Variants in RAPGEF5 observed in about 807,000 individuals in gnomAD.
RAPGEF5 encodes the protein M-Ras-regulated GEF.
Under a neutral mutation model 125.2 loss-of-function variants are expected in RAPGEF5, and 65 were observed. That is an observed-to-expected ratio of 0.52 (90% confidence interval 0.43 to 0.64). The LOEUF is 0.64. Ranked by LOEUF, RAPGEF5 falls within the 30% of genes least tolerant of loss-of-function variation. The probability of loss-of-function intolerance (pLI) is 0.00; values close to 1 mark genes in which losing one functional copy is unlikely to be tolerated. For missense variants in RAPGEF5, 958 were observed against 1,048.1 expected (o/e 0.91, Z 1.19); for synonymous variants, 391 against 385.9 (o/e 1.01, Z -0.16).
chr7:22,268,179 C>T (rs1391040512), intron 6 of RAPGEF5, among the ~76,000 whole-genome samples: 1 of 152,174 alleles, frequency 6.6e-6, no homozygotes, highest in Non-Finnish European at 1.5e-5. Context: ...GATTCTTTGA[C>T]ACTGTAAGAT....
intron 7 of RAPGEF5, among the ~76,000 whole-genome samples, chr7:22,247,612 C>G (rs944456677): frequency 2.0e-5 from 3 of 152,082 alleles, no homozygotes; most frequent in Non-Finnish European, 4.4e-5. Flanking sequence ...GAGTCCTCCC[C>G]ATTCATGTGG....
Position 22,263,189 on chromosome 7 carries a change from A to G in RAPGEF5, c.796+3775T>C, listed in dbSNP as rs189637867. On this transcript the variant is annotated intron_variant, in intron 7 of 25. Transcript: ENST00000665637. ...GGTAGTGGAAAGTCAGTGTAGCTAT[A>G]AAGGAGCAACATGAGGGATCGCTGT... Among the ~76,000 whole-genome samples the G allele has an allele frequency of 2.0e-5, 3 of 152,318 alleles. No homozygotes were observed. In the East Asian group the frequency reaches 5.8e-4, roughly 29 times the overall value.
intron 6 of RAPGEF5, among the ~76,000 whole-genome samples, chr7:22,288,100 G>A (rs1427023455): frequency 6.6e-6 from 1 of 152,186 alleles, no homozygotes; most frequent in Non-Finnish European, 1.5e-5. Context: ...TAAATCCACA[G>A]TGAACACTTT....
At chr7:22,341,200 C>T (rs1784122272) in intron 1 of RAPGEF5, among the ~76,000 whole-genome samples, 1 of 152,190 alleles carries the variant, frequency 6.6e-6, no homozygotes. Flanking sequence ...AAAGGCACAT[C>T]TCACATGGCA....
chr7:22,217,565 A>G (rs1005388133), intron 9 of RAPGEF5, among the ~76,000 whole-genome samples: 6 of 152,198 alleles, frequency 3.9e-5, no homozygotes, highest in African/African-American at 1.4e-4. Context: ...GGAGGACTAC[A>G]TCAATATCAG....
intron 7 of RAPGEF5, among the ~76,000 whole-genome samples, chr7:22,255,678 A>C (rs570462546): frequency 4.6e-5 from 7 of 152,308 alleles, no homozygotes; most frequent in African/African-American, 1.7e-4. Context: ...TATCTTAGTA[A>C]AATATTTTGG....
chr7:22,202,647 C>T (rs762419021), intron 9 of RAPGEF5, among the ~76,000 whole-genome samples: 2 of 152,162 alleles, frequency 1.3e-5, no homozygotes, highest in Non-Finnish European at 2.9e-5. Context: ...GGATATCGTC[C>T]ATTTCTCTCT....
At chr7:22,236,092 G>A (rs1012696045) in intron 7 of RAPGEF5, among the ~76,000 whole-genome samples, 2 of 152,038 alleles carry the variant, frequency 1.3e-5, no homozygotes, top group African/African-American at 2.4e-5. Context: ...CTGCTCCAGC[G>A]TGTTTTCTCA....
At chr7:22,229,912 T>C (rs1786017407) in intron 8 of RAPGEF5, among the ~76,000 whole-genome samples, 1 of 152,242 alleles carries the variant, frequency 6.6e-6, no homozygotes, top group Non-Finnish European at 1.5e-5. Flanking sequence ...ATTTCATCCC[T>C]CTGTATGTCC....
intron 7 of RAPGEF5, among the ~76,000 whole-genome samples, chr7:22,256,862 C>G (rs1053683199): frequency 1.3e-5 from 2 of 152,210 alleles, no homozygotes; most frequent in Non-Finnish European, 2.9e-5. Context: ...TTCTGCAAAT[C>G]TTATGAAGCC....
chr7:22,120,591 AG>A lies in RAPGEF5; in HGVS notation c.*1814del, dbSNP rs961132752. 6.6e-6 allele frequency: 1 copy of A among 152,662 alleles called. No homozygotes were observed. Among genetic ancestry groups the A allele is most frequent in the African/African-American group, 2.4e-5 (1 of 41,450 alleles). The allele number at this position is 152,662 out of a possible 1,614,324, so 9.5% of individuals were successfully genotyped here. On this transcript the variant is annotated 3_prime_UTR_variant, in exon 26 of 26. Transcript: ENST00000665637. This position sits in a 1 kb window ranked among gnomAD's most constrained non-coding sequence, Gnocchi z 4.0. The stretch of plus-strand genomic sequence containing the variant: ...GAGGAGGGCTTTGGAGGGTTTGCTC[AG>A]CCCAGCCGTGAGGGAAGTCTGCTCT...
intron 14 of RAPGEF5, 83 bp from the exon 15 acceptor site, chr7:22,157,968 G>T: frequency 7.7e-7 from 1 of 1,296,132 alleles, no homozygotes; most frequent in Non-Finnish European, 1.1e-6. Context: ...TAATTTTCCA[G>T]CACTAGGCAG....
Position 22,118,528 on chromosome 7 carries a change from A to G in RAPGEF5, c.*3878T>C, listed in dbSNP as rs1782471136. 6.6e-6 allele frequency: 1 copy of G among 152,592 alleles called. No homozygotes were observed. Among genetic ancestry groups the G allele is most frequent in the South Asian group, 2.1e-4 (1 of 4,826 alleles). 9.5% of individuals were successfully genotyped at this position (152,592 alleles called of 1,614,324 possible). A position where few individuals can be genotyped will look rare whatever the true frequency, so the allele number is the denominator to read the frequency against. On this transcript the variant is annotated 3_prime_UTR_variant, in exon 26 of 26. Coordinates refer to ENST00000665637, the MANE Select transcript of RAPGEF5 (RefSeq NM_012294.5). ...AAGCATGGAATATGGGAAAGAAAAC[A>G]CTGTTAATGGCAATTCTGGTAACTC...
intron 6 of RAPGEF5, 140 bp from the exon 7 acceptor site, chr7:22,267,152 T>C: frequency 1.4e-6 from 1 of 702,808 alleles, no homozygotes; most frequent in Non-Finnish European, 2.3e-6. Context: ...ACTTTTTTGA[T>C]TTTTGCTTGT....
intron 2 of RAPGEF5, among the ~76,000 whole-genome samples, 180 bp downstream of exon 2, chr7:22,317,807 G>C (rs918749243): frequency 2.0e-5 from 3 of 152,226 alleles, no homozygotes; most frequent in African/African-American, 7.2e-5. Flanking sequence ...ACAATGATCA[G>C]AGCATCTCAA....
At position 22,197,044 on chromosome 7, in the gene RAPGEF5, T is replaced by C. The variant is rs535517538; in HGVS notation, c.997-3011A>G. 2.6e-5 allele frequency among the ~76,000 whole-genome samples: 4 copies of C among 152,094 alleles called. No individual in the cohort carries two copies. The South Asian group carries it at 8.3e-4, about 32-fold the overall frequency. The stretch of plus-strand genomic sequence containing the variant: ...GGGGAACCTACGTACAGAGAGAACA[T>C]GAAGACCACTACCAAGATGAGCCAG... On this transcript the variant is annotated intron_variant, in intron 9 of 25. Transcript: ENST00000665637.
intron 7 of RAPGEF5, among the ~76,000 whole-genome samples, chr7:22,261,237 A>T (rs1397286965): frequency 2.0e-5 from 3 of 152,188 alleles, no homozygotes; most frequent in African/African-American, 7.2e-5. Flanking sequence ...ATTATTTACA[A>T]TGGAAAAAAA....
chr7:22,169,838 C>T (rs1323128319), intron 11 of RAPGEF5, among the ~76,000 whole-genome samples: 3 of 106,906 alleles, frequency 2.8e-5, no homozygotes, highest in Non-Finnish European at 5.1e-5. Flanking sequence ...CTAGCCTGTG[C>T]AACAGAGCGA....
At chr7:22,228,832 C>T (rs942036148) in intron 8 of RAPGEF5, among the ~76,000 whole-genome samples, 3 of 151,966 alleles carry the variant, frequency 2.0e-5, no homozygotes, top group Non-Finnish European at 4.4e-5. Flanking sequence ...GGTTACTGTG[C>T]CAGTCAGGAA....
Sources: gnomAD v4.1 joint callset for allele counts (sites outside exome capture counted in the v4.1 genomes callset) on GRCh38, gnomAD v4.1.1 for gene constraint, Gnocchi (gnomAD v3.1) non-coding constraint, MANE v1.5 for transcripts, NCBI Gene and HGNC (gene_info 2026-07-23, HGNC 2026-07-21) for gene names.